Variants in INSR observed in about 807,000 individuals in gnomAD.
The protein encoded by INSR is insulin receptor.
A neutral mutation model predicts 142.6 loss-of-function variants in INSR; 67 were observed. That is an observed-to-expected ratio of 0.47 (90% CI 0.39 to 0.58). INSR has a LOEUF of 0.58. Among genes scored for constraint, INSR ranks in the 20% least tolerant of loss-of-function variants. The pLI, the probability that INSR is intolerant of heterozygous loss-of-function variation, is 0.00. For missense variants in INSR, 1,248 were observed against 1,833.2 expected (o/e 0.68, Z 5.83); for synonymous variants, 756 against 743.1 (o/e 1.02, Z -0.28).
intron 1 of INSR, among the ~76,000 whole-genome samples, chr19:7,283,367 T>A (rs1968258772): frequency 6.6e-6 from 1 of 152,228 alleles, no homozygotes; most frequent in Admixed American, 6.5e-5. Flanking sequence ...TCCACGCAGA[T>A]GAAAATACAA....
intron 2 of INSR, among the ~76,000 whole-genome samples, chr19:7,188,548 C>CAA (rs150147242): frequency 1.6e-5 from 2 of 121,548 alleles, no homozygotes; most frequent in Non-Finnish European, 1.7e-5. Context: ...AGACTCCGTC[C>CAA]AAAAAAAAAA....
intron 1 of INSR, among the ~76,000 whole-genome samples, chr19:7,274,804 C>CAAA (rs772807729): frequency 6.0e-5 from 5 of 83,154 alleles, no homozygotes; most frequent in East Asian, 3.7e-4. Context: ...GACTGTGTCT[C>CAAA]AAAAAAAAAA....
chr19:7,248,485 C>CAAAAAAA (rs758091489), intron 2 of INSR, among the ~76,000 whole-genome samples: 5 of 35,404 alleles, frequency 1.4e-4, no homozygotes, highest in East Asian at 8.1e-4. Context: ...GACCCCATCT[C>CAAAAAAA]AAAAAAAAAA....
At chr19:7,252,300 TACTC>T (rs1976752143) in intron 2 of INSR, among the ~76,000 whole-genome samples, 1 of 151,860 alleles carries the variant, frequency 6.6e-6, no homozygotes, top group African/African-American at 2.4e-5. Flanking sequence ...TAATCCCAGT[TACTC>T]AGGAGGCTGA....
chr19:7,209,513 G>A (rs1568487982), intron 2 of INSR, among the ~76,000 whole-genome samples: 2 of 152,056 alleles, frequency 1.3e-5, no homozygotes, highest in Admixed American at 6.6e-5. Flanking sequence ...GACTTCCCAG[G>A]CTTAACTGAT....
At chr19:7,178,012 T>A (rs1262484334) in intron 3 of INSR, among the ~76,000 whole-genome samples, 1 of 152,050 alleles carries the variant, frequency 6.6e-6, no homozygotes, top group Non-Finnish European at 1.5e-5. Flanking sequence ...AACGCAATTT[T>A]ATCCGTTGCT....
chr19:7,159,084 G>A lies in INSR; in HGVS notation c.2029+3948C>T, dbSNP rs922147856. On this transcript the variant is annotated intron_variant, in intron 9 of 21. Transcript: ENST00000302850. The surrounding 1 kb of genome is among the most constrained non-coding windows in gnomAD (Gnocchi z 4.3). ...CACCCAACTAATTTTTGTATTTTTA[G>A]TAGAGACGGGGTTTCACCATGTTGC... 6.6e-6 allele frequency among the ~76,000 whole-genome samples: 1 copy of A among 152,006 alleles called. No individual in the cohort carries two copies. The highest frequency in any genetic ancestry group is 1.9e-4 in the East Asian group (1 of 5,188).
intron 1 of INSR, among the ~76,000 whole-genome samples, chr19:7,270,307 A>G (rs886122996): frequency 7.0e-6 from 1 of 143,314 alleles, no homozygotes; most frequent in African/African-American, 2.7e-5. Flanking sequence ...GTCCCACACT[A>G]TATTTCATTT....
chr19:7,123,957 C>T (rs1046832410), intron 17 of INSR, among the ~76,000 whole-genome samples: 2 of 146,710 alleles, frequency 1.4e-5, no homozygotes, highest in Admixed American at 6.8e-5. Context: ...CGTGGTGGCT[C>T]ACGCCTGTAA....
chr19:7,229,071 G>C (rs1184105112), intron 2 of INSR, among the ~76,000 whole-genome samples: 1 of 150,328 alleles, frequency 6.7e-6, no homozygotes, highest in African/African-American at 2.5e-5. Context: ...GAATGGATGA[G>C]TGGATGTATG....
At chr19:7,212,626 C>G (rs928750088) in intron 2 of INSR, among the ~76,000 whole-genome samples, 1 of 152,094 alleles carries the variant, frequency 6.6e-6, no homozygotes, top group Non-Finnish European at 1.5e-5. Flanking sequence ...ACTCTTGTTG[C>G]CCAGGCTGGA....
intron 8 of INSR, among the ~76,000 whole-genome samples, chr19:7,164,886 C>CT: frequency 6.9e-6 from 1 of 145,198 alleles, no homozygotes; most frequent in Admixed American, 6.9e-5. Context: ...AATCCCAGCA[C>CT]TTTGGGAGGC....
chr19:7,276,420 G>A (rs1282114175), intron 1 of INSR, among the ~76,000 whole-genome samples: 3 of 150,958 alleles, frequency 2.0e-5, no homozygotes, highest in African/African-American at 7.3e-5. Context: ...TGGGAGTATG[G>A]GTGTGAGCCA....
At chr19:7,229,030 G>GATGA (rs372697142) in intron 2 of INSR, among the ~76,000 whole-genome samples, 280 of 150,918 alleles carry the variant, frequency 1.9e-3, no homozygotes, top group African/African-American at 6.0e-3. Flanking sequence ...TGGATGGATG[G>GATGA]ATGAATGGAT....
intron 3 of INSR, among the ~76,000 whole-genome samples, chr19:7,178,713 C>T (rs552961833): frequency 4.7e-5 from 7 of 149,136 alleles, no homozygotes; most frequent in Admixed American, 2.0e-4. Flanking sequence ...AGTGAGACTC[C>T]GTCTCAAAAC....
rs1183912582 is a variant in INSR, at chr19:7,242,748, A to AC, written c.652+24596_652+24597insG. On this transcript the variant is annotated intron_variant, in intron 2 of 21. Transcript: ENST00000302850. Reference sequence around the variant, plus strand: ...CGAGACTGCCTCAAAAAAAAAAAAAAAAAAAACAGCTACAACTCTGCAACT... The same window carrying AC: ...CGAGACTGCCTCAAAAAAAAAAAAAACAAAAAACAGCTACAACTCTGCAACT... Among the ~76,000 whole-genome samples the AC allele has an allele frequency of 2.6e-4, 39 of 151,708 alleles. No homozygotes were observed. The East Asian group carries it at 6.0e-3, about 23-fold the overall frequency.
At chr19:7,153,272 TCA>T (rs1973470963) in intron 9 of INSR, among the ~76,000 whole-genome samples, 1 of 101,682 alleles carries the variant, frequency 9.8e-6, no homozygotes, top group African/African-American at 4.4e-5. Flanking sequence ...CATGCACACC[TCA>T]CACACCACAC....
intron 21 of INSR, among the ~76,000 whole-genome samples, chr19:7,118,367 C>T (rs1460756443): frequency 2.0e-5 from 3 of 151,966 alleles, no homozygotes; most frequent in African/African-American, 7.2e-5. Context: ...ACCCATGCTG[C>T]AGTGCAATGG....
In INSR at chr19:7,219,520, AGAAG is replaced by A. The variant is rs553654818; in HGVS notation, c.653-34887_653-34884del. Among the ~76,000 whole-genome samples, 223 of 49,140 alleles carry A rather than the reference AGAAG, an allele frequency of 4.5e-3. 3 individuals are homozygous for A. The highest frequency in any genetic ancestry group is 0.013 in the African/African-American group (180 of 13,934). 32.2% of individuals were successfully genotyped at this position (49,140 alleles called of 152,430 possible). On this transcript the variant is annotated intron_variant, in intron 2 of 21. Transcript: ENST00000302850. ...AGGAGGGAGGGAGGGAACGAAGGAA[AGAAG>A]GAAGGAAGGAAGGGAGGGAGGGAGG...
Sources: allele counts gnomAD v4.1 joint callset (sites outside exome capture counted in the v4.1 genomes callset), GRCh38; gene constraint gnomAD v4.1.1; non-coding constraint Gnocchi (gnomAD v3.1); transcripts MANE v1.5; gene names NCBI Gene and HGNC (gene_info 2026-07-23, HGNC 2026-07-21).